Variants in MYOZ2 observed in about 807,000 individuals in gnomAD.
MYOZ2 encodes myozenin-2.
A neutral mutation model predicts 25.4 loss-of-function variants in MYOZ2; 19 were observed. That is an observed-to-expected ratio of 0.75 (90% CI 0.52 to 1.10). MYOZ2 has a LOEUF of 1.10. Among genes scored for constraint, MYOZ2 ranks in the 50% least tolerant of loss-of-function variants. MYOZ2 has a pLI of 0.00. For synonymous variants in MYOZ2, 92 were observed against 106.9 expected (o/e 0.86, Z 0.86); for missense variants, 270 against 317.9 (o/e 0.85, Z 1.15).
At chr4:119,185,796 G>T (rs569427741) in intron 5 of MYOZ2, among the ~76,000 whole-genome samples, 170 bp from the exon 6 acceptor site, 1 of 152,140 alleles carries the variant, frequency 6.6e-6, no homozygotes. Flanking sequence ...AAGTAGAAAT[G>T]CTTGCCTCAG....
At chr4:119,174,355 C>T (rs530270251) in intron 5 of MYOZ2, among the ~76,000 whole-genome samples, 3 of 152,264 alleles carry the variant, frequency 2.0e-5, no homozygotes, top group African/African-American at 7.2e-5. Context: ...CACCAGTCAG[C>T]ACCCTGTGTC....
intron 3 of MYOZ2, among the ~76,000 whole-genome samples, chr4:119,154,854 A>G (rs1321345325): frequency 1.3e-5 from 1 of 75,500 alleles, no homozygotes; most frequent in Non-Finnish European, 2.8e-5. Context: ...AAAATGTTAT[A>G]TTACACACAC....
chr4:119,167,230 T>TGTTCACTTTATCATGTGTTC (rs1741842882), intron 5 of MYOZ2, among the ~76,000 whole-genome samples: 9 of 152,132 alleles, frequency 5.9e-5, no homozygotes, highest in Admixed American at 5.9e-4. Context: ...GATAAAATAG[T>TGTTCACTTTATCATGTGTTC]AAAACAGCCT....
At chr4:119,163,222 CTT>C in intron 4 of MYOZ2, among the ~76,000 whole-genome samples, 1 of 150,502 alleles carries the variant, frequency 6.6e-6, no homozygotes, top group African/African-American at 2.4e-5. Context: ...CAGGAAGGGG[CTT>C]TTTTTTTGGA....
chr4:119,155,307 C>G (rs1741549437), intron 3 of MYOZ2, among the ~76,000 whole-genome samples: 2 of 152,102 alleles, frequency 1.3e-5, no homozygotes, highest in African/African-American at 4.8e-5. Context: ...CAGTGGCCAA[C>G]TAGACTTCAG....
At chr4:119,174,856 C>G (rs191218489) in intron 5 of MYOZ2, among the ~76,000 whole-genome samples, 4 of 152,020 alleles carry the variant, frequency 2.6e-5, no homozygotes, top group Admixed American at 6.6e-5. Context: ...TAACAGTCAC[C>G]GCAAAGATCT....
At chr4:119,185,508 T>G (rs1229829589) in intron 5 of MYOZ2, among the ~76,000 whole-genome samples, 1 of 152,022 alleles carries the variant, frequency 6.6e-6, no homozygotes, top group African/African-American at 2.4e-5. Flanking sequence ...AGAGACAGGA[T>G]TTTGCCATGT....
At chr4:119,185,137 C>CT (rs1393446933) in intron 5 of MYOZ2, among the ~76,000 whole-genome samples, 1 of 143,854 alleles carries the variant, frequency 7.0e-6, no homozygotes, top group African/African-American at 2.6e-5. Context: ...CTTTCCTTTT[C>CT]TTTTTTTCCT....
intron 4 of MYOZ2, among the ~76,000 whole-genome samples, chr4:119,163,059 G>A (rs118079055): frequency 6.6e-6 from 1 of 152,290 alleles, no homozygotes; most frequent in East Asian, 1.9e-4. Context: ...TTTCTAGGTA[G>A]AGTGCATTGT....
chr4:119,141,697 G>T (rs1741162089), intron 2 of MYOZ2, among the ~76,000 whole-genome samples: 1 of 152,054 alleles, frequency 6.6e-6, no homozygotes, highest in Non-Finnish European at 1.5e-5. Context: ...TTTAATAGAT[G>T]ATCTAATGCC....
At chr4:119,157,545 A>G (rs1339377646) in intron 3 of MYOZ2, among the ~76,000 whole-genome samples, 3 of 152,184 alleles carry the variant, frequency 2.0e-5, no homozygotes, top group Non-Finnish European at 4.4e-5. Context: ...TTGAAATTTC[A>G]GGTTAGATTT....
chr4:119,154,277 A>G (rs1270400742), intron 3 of MYOZ2, among the ~76,000 whole-genome samples: 1 of 152,166 alleles, frequency 6.6e-6, no homozygotes, highest in African/African-American at 2.4e-5. Context: ...TACATAATCT[A>G]TAGGATATGG....
At chr4:119,164,684 T>C (rs1292257658) in intron 5 of MYOZ2, among the ~76,000 whole-genome samples, 2 of 152,206 alleles carry the variant, frequency 1.3e-5, no homozygotes, top group Non-Finnish European at 2.9e-5. Context: ...ATTTTAATAA[T>C]AGTTTCAAAT....
At chr4:119,159,156 G>A (rs1179773011) in intron 4 of MYOZ2, among the ~76,000 whole-genome samples, 1 of 152,054 alleles carries the variant, frequency 6.6e-6, no homozygotes, top group Non-Finnish European at 1.5e-5. Context: ...AAGAATTAGG[G>A]CCAGGCACAG....
At chr4:119,147,277 T>G (rs1741321829) in intron 2 of MYOZ2, among the ~76,000 whole-genome samples, 2 of 143,132 alleles carry the variant, frequency 1.4e-5, no homozygotes, top group African/African-American at 6.0e-5. Context: ...ACATTCCTGT[T>G]TTTTTTTTCT....
At chr4:119,157,943 G>A in intron 3 of MYOZ2, 79 bp from the exon 4 acceptor site, 9 of 1,505,658 alleles carry the variant, frequency 6.0e-6, no homozygotes, top group South Asian at 1.1e-5. Flanking sequence ...ATATACAATT[G>A]AAGTTTTGCA....
At chr4:119,169,419 A>C (rs1741901420) in intron 5 of MYOZ2, among the ~76,000 whole-genome samples, 1 of 152,244 alleles carries the variant, frequency 6.6e-6, no homozygotes, top group Non-Finnish European at 1.5e-5. Flanking sequence ...GACATAAGTA[A>C]GATTTTCACA....
At chr4:119,174,324 C>T (rs1459242246) in intron 5 of MYOZ2, among the ~76,000 whole-genome samples, 1 of 151,926 alleles carries the variant, frequency 6.6e-6, no homozygotes, top group Non-Finnish European at 1.5e-5. Context: ...CACTCTGTAT[C>T]TAGCTCAAGG....
chr4:119,149,782 T>C (rs1333797376), intron 2 of MYOZ2, among the ~76,000 whole-genome samples: 1 of 152,194 alleles, frequency 6.6e-6, no homozygotes, highest in African/African-American at 2.4e-5. Context: ...ATCTTGATAT[T>C]GTGACTTTTA....
Sources: gnomAD v4.1 joint callset for allele counts (sites outside exome capture counted in the v4.1 genomes callset) on GRCh38, gnomAD v4.1.1 for gene constraint, MANE v1.5 for transcripts, NCBI Gene and HGNC (gene_info 2026-07-23, HGNC 2026-07-21) for gene names.